The following CTIF variants were observed in gnomAD, a reference collection of about 807,000 sequenced individuals.
CTIF encodes the protein cap binding complex dependent translation initiation factor.
In CTIF, 21 loss-of-function variants were observed where a neutral mutation model predicts 66.0. The observed-to-expected ratio is 0.32, with a 90% confidence interval of 0.23 to 0.46. The LOEUF is 0.46. Among genes scored for constraint, CTIF ranks in the 20% least tolerant of loss-of-function variants. CTIF has a pLI of 1.00. For synonymous variants in CTIF, 345 were observed against 326.4 expected (o/e 1.06, Z -0.62); for missense variants, 739 against 812.7 (o/e 0.91, Z 1.10).
chr18:48,640,337 C>G (rs960754852), intron 3 of CTIF, among the ~76,000 whole-genome samples: 1 of 152,244 alleles, frequency 6.6e-6, no homozygotes, highest in Non-Finnish European at 1.5e-5. Flanking sequence ...GGAGTCAGGG[C>G]GGGCTCTACT....
intron 7 of CTIF, among the ~76,000 whole-genome samples, chr18:48,742,935 A>G (rs1324684881): frequency 2.0e-5 from 3 of 152,234 alleles, no homozygotes; most frequent in South Asian, 2.1e-4. Context: ...CCACCAGTCT[A>G]TCACTCAGCA....
intron 1 of CTIF, among the ~76,000 whole-genome samples, chr18:48,584,947 C>T (rs2089734671): frequency 6.6e-6 from 1 of 152,214 alleles, no homozygotes; most frequent in Non-Finnish European, 1.5e-5. Flanking sequence ...GCCCCAGATC[C>T]AAGTAAAGGT....
chr18:48,727,833 TG>T (rs886413502), intron 7 of CTIF, among the ~76,000 whole-genome samples: 8 of 152,350 alleles, frequency 5.3e-5, no homozygotes, highest in Admixed American at 3.3e-4. Flanking sequence ...ACCTCATCTT[TG>T]GACTATGCTT....
chr18:48,750,642 G>T (rs939129275), intron 7 of CTIF, among the ~76,000 whole-genome samples: 3 of 152,326 alleles, frequency 2.0e-5, no homozygotes, highest in Non-Finnish European at 4.4e-5. Context: ...TTCCCGAGAC[G>T]CAGTGGAGCC....
At chr18:48,858,550 T>G (rs58943166) in intron 11 of CTIF, among the ~76,000 whole-genome samples, 31,968 of 151,354 alleles carry the variant, frequency 0.21, 3,517 homozygotes, top group South Asian at 0.33. Context: ...GGCTCAGGGG[T>G]TCAAGGGAGG....
At chr18:48,558,831 G>A (rs764684144) in intron 1 of CTIF, among the ~76,000 whole-genome samples, 14 of 152,158 alleles carry the variant, frequency 9.2e-5, no homozygotes, top group Non-Finnish European at 2.1e-4. Flanking sequence ...AATAAAAAGT[G>A]TTCTCTTTGA....
chr18:48,773,947 C>A (rs1004992211), intron 9 of CTIF, among the ~76,000 whole-genome samples: 2 of 152,190 alleles, frequency 1.3e-5, no homozygotes, highest in Non-Finnish European at 1.5e-5. Flanking sequence ...CAACCCTCCG[C>A]TCTAAGAGTA....
chr18:48,599,740 A>T lies in CTIF; in HGVS notation c.-28-19798A>T, dbSNP rs1472841265. 2.6e-5 allele frequency among the ~76,000 whole-genome samples: 4 copies of T among 152,166 alleles called. No individual in the cohort carries two copies. In the South Asian group the frequency reaches 8.3e-4, roughly 32 times the overall value. ...ACAGGCACCTGGCTGTGCTCACAGG[A>T]TCCAGAGGATTAGAAGGAGATCTCC... On this transcript the variant is annotated intron_variant, in intron 1 of 11. Coordinates refer to ENST00000256413, the MANE Select transcript of CTIF (RefSeq NM_014772.3).
intron 7 of CTIF, among the ~76,000 whole-genome samples, chr18:48,753,628 C>T (rs1428019508): frequency 1.3e-5 from 2 of 151,896 alleles, no homozygotes; most frequent in African/African-American, 2.4e-5. Context: ...ATTTTCCTAA[C>T]AGCAGGTGTT....
At chr18:48,616,458 C>T (rs1294931634) in intron 1 of CTIF, among the ~76,000 whole-genome samples, 1 of 152,170 alleles carries the variant, frequency 6.6e-6, no homozygotes, top group African/African-American at 2.4e-5. Flanking sequence ...TTGGAGGTGG[C>T]CTGAGGGACT....
chr18:48,571,230 C>T (rs933258198), intron 1 of CTIF, among the ~76,000 whole-genome samples: 7 of 152,096 alleles, frequency 4.6e-5, no homozygotes, highest in South Asian at 2.1e-4. Context: ...GATACTGGCT[C>T]ACTGCAACCT....
chr18:48,825,994 C>T (rs1196808092), intron 10 of CTIF: 1 of 152,224 alleles, frequency 6.6e-6, no homozygotes, highest in East Asian at 1.9e-4. Context: ...GCCAAAAACC[C>T]TTGGGTGAGG....
chr18:48,766,201 A>C (rs766200263), intron 9 of CTIF, among the ~76,000 whole-genome samples: 83 of 149,504 alleles, frequency 5.6e-4, no homozygotes, highest in Non-Finnish European at 9.3e-4. Context: ...CATATGAATC[A>C]CGTGGGATTT....
At chr18:48,772,858 G>T (rs1357898577) in intron 9 of CTIF, among the ~76,000 whole-genome samples, 1 of 152,204 alleles carries the variant, frequency 6.6e-6, no homozygotes, top group Non-Finnish European at 1.5e-5. Context: ...CCTAGAAGTG[G>T]AATTGCTGGA....
intron 5 of CTIF, among the ~76,000 whole-genome samples, chr18:48,665,565 T>C (rs981637828): frequency 2.6e-5 from 4 of 152,224 alleles, no homozygotes; most frequent in Non-Finnish European, 4.4e-5. Context: ...GCAACTACCA[T>C]GTCTATCTAG....
At chr18:48,725,968 A>G (rs1017875209) in intron 7 of CTIF, among the ~76,000 whole-genome samples, 55 of 152,288 alleles carry the variant, frequency 3.6e-4, no homozygotes, top group Admixed American at 1.0e-3. Flanking sequence ...TGAGTTGCCT[A>G]GACTTCATTC....
At chr18:48,583,614 G>A (rs947806749) in intron 1 of CTIF, among the ~76,000 whole-genome samples, 5 of 152,168 alleles carry the variant, frequency 3.3e-5, no homozygotes, top group Admixed American at 1.3e-4. Flanking sequence ...GTCCGCAAGG[G>A]CCTGCAACAT....
At chr18:48,748,883 C>A (rs1475568136) in intron 7 of CTIF, among the ~76,000 whole-genome samples, 5 of 152,212 alleles carry the variant, frequency 3.3e-5, no homozygotes, top group African/African-American at 1.2e-4. Context: ...CTCACCATGT[C>A]CCCAGACAGA....
In CTIF at chr18:48,761,439, A is replaced by G. The variant is rs946114862; in HGVS notation, c.1121A>G (p.Lys374Arg). 12 of 1,614,020 alleles carry G rather than the reference A, an allele frequency of 7.4e-6. No individual in the cohort carries two copies. Among genetic ancestry groups the G allele is most frequent in the Non-Finnish European group, 1.0e-5 (12 of 1,180,058 alleles). ...TTTPQQNKMD[K>R]LIEILNSMRN... ...ACTCCCCAGCAGAACAAGATGGACA[A>G]GCTGATCGAGATCCTGAACAGCATG... Residue 374 changes from lysine to arginine, a missense_variant, in exon 9 of 12, where the codon AAG becomes AGG. Around this residue, in one of 2 missense-constraint regions of CTIF, gnomAD observed 529 missense variants for 520.3 expected, o/e 1.02. Transcript: ENST00000256413. The surrounding 1 kb of genome is among the most constrained non-coding windows in gnomAD (Gnocchi z 4.2).
Sources: gnomAD v4.1 joint callset for allele counts (sites outside exome capture counted in the v4.1 genomes callset) on GRCh38, gnomAD v4.1.1 for gene constraint, gnomAD v4.1.1 regional missense constraint, Gnocchi (gnomAD v3.1) non-coding constraint, MANE v1.5 for transcripts, NCBI Gene and HGNC (gene_info 2026-07-23, HGNC 2026-07-21) for gene names.